PAM: variants seen among roughly 807,000 people sequenced by gnomAD.
The protein encoded by PAM is peptidylglycine alpha-amidating monooxygenase, also known as peptidyl-glycine alpha-amidating monooxygenase.
Under a neutral mutation model 122.1 loss-of-function variants are expected in PAM, and 72 were observed. That is an observed-to-expected ratio of 0.59 (90% CI 0.49 to 0.72). The LOEUF (loss-of-function observed/expected upper bound fraction) is 0.72. Among genes scored for constraint, PAM ranks in the 30% least tolerant of loss-of-function variants. PAM has a pLI of 0.00. For missense variants in PAM, 1,106 were observed against 1,183.7 expected (o/e 0.93, Z 0.96); for synonymous variants, 389 against 404.4 (o/e 0.96, Z 0.46).
At chr5:102,897,076 T>C (rs1172423734) in intron 3 of PAM, among the ~76,000 whole-genome samples, 1 of 151,640 alleles carries the variant, frequency 6.6e-6, no homozygotes, top group Non-Finnish European at 1.5e-5. Flanking sequence ...ATTTTCTTCC[T>C]CTCATAATCA....
chr5:102,934,562 C>A (rs1419491603), intron 7 of PAM, among the ~76,000 whole-genome samples: 1 of 152,046 alleles, frequency 6.6e-6, no homozygotes, highest in South Asian at 2.1e-4. Flanking sequence ...TTTTTCTCTC[C>A]CTGACTCCCA....
intron 1 of PAM, among the ~76,000 whole-genome samples, chr5:102,847,568 T>A (rs1407790910): frequency 2.0e-5 from 3 of 152,158 alleles, no homozygotes; most frequent in Non-Finnish European, 2.9e-5. Flanking sequence ...GAAAAAAAAA[T>A]TTAGTAAAAT....
intron 1 of PAM, among the ~76,000 whole-genome samples, chr5:102,848,307 AT>A (rs1304180438): frequency 6.6e-6 from 1 of 152,126 alleles, no homozygotes; most frequent in Admixed American, 6.5e-5. Flanking sequence ...AAACTGTTGC[AT>A]TTTAGAAATA....
intron 10 of PAM, 98 bp downstream of exon 10, chr5:102,949,715 A>G (rs942530820): frequency 1.3e-5 from 10 of 760,258 alleles, no homozygotes; most frequent in Admixed American, 4.2e-5. Flanking sequence ...GTCTGTTTCA[A>G]TGAAAGTGAT....
intron 5 of PAM, among the ~76,000 whole-genome samples, chr5:102,924,563 G>A (rs979301357): frequency 9.2e-5 from 14 of 152,128 alleles, no homozygotes; most frequent in Admixed American, 3.9e-4. Flanking sequence ...GATCGCCAAA[G>A]GGGAAATGTG....
intron 12 of PAM, among the ~76,000 whole-genome samples, chr5:102,956,800 T>G (rs1419482922): frequency 6.6e-6 from 1 of 152,136 alleles, no homozygotes; most frequent in Non-Finnish European, 1.5e-5. Flanking sequence ...TTGCACAATT[T>G]AATTCCTTGT....
At chr5:102,777,722 C>A (rs1757549550) in intron 1 of PAM, among the ~76,000 whole-genome samples, 1 of 151,958 alleles carries the variant, frequency 6.6e-6, no homozygotes, top group Non-Finnish European at 1.5e-5. Context: ...CCATTCATTC[C>A]CGGGCCTGTT....
intron 7 of PAM, among the ~76,000 whole-genome samples, chr5:102,930,597 G>A (rs1287210056): frequency 1.3e-5 from 2 of 152,164 alleles, no homozygotes; most frequent in Non-Finnish European, 2.9e-5. Context: ...GAGGTCAAAG[G>A]TGGGGAGCAA....
At chr5:103,023,114 A>C (rs1562276745) in intron 23 of PAM, among the ~76,000 whole-genome samples, 1 of 152,112 alleles carries the variant, frequency 6.6e-6, no homozygotes, top group Non-Finnish European at 1.5e-5. Context: ...TGTATGTATT[A>C]TATCTTAGTA....
intron 1 of PAM, among the ~76,000 whole-genome samples, chr5:102,758,098 T>G (rs1751141552): frequency 3.8e-5 from 4 of 106,342 alleles, no homozygotes; most frequent in Non-Finnish European, 7.8e-5. Flanking sequence ...TTTTTTTTTT[T>G]TTTTTTTTTT....
intron 21 of PAM, among the ~76,000 whole-genome samples, chr5:103,013,960 G>A (rs966495854): frequency 3.7e-4 from 56 of 152,082 alleles, no homozygotes; most frequent in African/African-American, 1.3e-3. Context: ...AAATCTCAAA[G>A]CATAGCAACC....
At chr5:102,811,935 T>G (rs1166044213) in intron 1 of PAM, among the ~76,000 whole-genome samples, 1 of 152,224 alleles carries the variant, frequency 6.6e-6, no homozygotes, top group Non-Finnish European at 1.5e-5. Flanking sequence ...AATATTTTTA[T>G]TGAGAGGCTC....
At chr5:102,855,844 A>G (rs1170721269) in intron 1 of PAM, among the ~76,000 whole-genome samples, 1 of 152,148 alleles carries the variant, frequency 6.6e-6, no homozygotes, top group African/African-American at 2.4e-5. Flanking sequence ...TTGCACTTAC[A>G]TGCGGTTACC....
chr5:102,825,825 G>A (rs1307172892), intron 1 of PAM, among the ~76,000 whole-genome samples: 2 of 152,010 alleles, frequency 1.3e-5, no homozygotes, highest in African/African-American at 4.8e-5. Context: ...TCCAGCCTGG[G>A]CAACAGATCA....
intron 14 of PAM, among the ~76,000 whole-genome samples, chr5:102,968,060 C>T (rs778057302): frequency 6.6e-6 from 1 of 152,064 alleles, no homozygotes; most frequent in Non-Finnish European, 1.5e-5. Context: ...TTGTGCAAAT[C>T]GCTGTGGTAT....
intron 21 of PAM, among the ~76,000 whole-genome samples, chr5:103,011,238 T>C (rs932109417): frequency 1.1e-4 from 16 of 152,218 alleles, no homozygotes; most frequent in African/African-American, 3.6e-4. Context: ...TCAAGCCATG[T>C]GGCAAGTAAA....
intron 1 of PAM, among the ~76,000 whole-genome samples, chr5:102,768,688 A>G (rs1362258194): frequency 1.3e-5 from 2 of 152,202 alleles, no homozygotes; most frequent in Admixed American, 6.5e-5. Flanking sequence ...TTTTATGGCT[A>G]AATAGTACTC....
intron 1 of PAM, among the ~76,000 whole-genome samples, chr5:102,831,802 G>A (rs1348171621): frequency 6.6e-6 from 1 of 151,958 alleles, no homozygotes; most frequent in Non-Finnish European, 1.5e-5. Context: ...AATTTTTGAA[G>A]TATGTTAAGA....
intron 21 of PAM, among the ~76,000 whole-genome samples, chr5:103,016,123 G>A (rs1295116908): frequency 6.6e-6 from 1 of 152,028 alleles, no homozygotes; most frequent in East Asian, 1.9e-4. Flanking sequence ...TTGATTTCTG[G>A]CTCTGTGTTT....
Sources: allele counts gnomAD v4.1 joint callset (sites outside exome capture counted in the v4.1 genomes callset), GRCh38; gene constraint gnomAD v4.1.1; transcripts MANE v1.5; gene names NCBI Gene and HGNC (gene_info 2026-07-23, HGNC 2026-07-21).